The following PHACTR4 variants were observed in gnomAD, a reference collection of about 807,000 sequenced individuals.
PHACTR4 encodes protein phosphatase 1, regulatory subunit 124.
Under a neutral mutation model 72.7 loss-of-function variants are expected in PHACTR4, and 51 were observed. That is an observed-to-expected ratio of 0.70 (90% CI 0.56 to 0.89). The LOEUF is 0.89. Among genes scored for constraint, PHACTR4 ranks in the 40% least tolerant of loss-of-function variants. The probability of loss-of-function intolerance (pLI) is 0.00; values close to 1 mark genes in which losing one functional copy is unlikely to be tolerated. For synonymous variants in PHACTR4, 255 were observed against 302.5 expected (o/e 0.84, Z 1.63); for missense variants, 731 against 861.8 (o/e 0.85, Z 1.90).
chr1:28,416,539 G>T (rs1237995867), intron 2 of PHACTR4, among the ~76,000 whole-genome samples: 1 of 152,228 alleles, frequency 6.6e-6, no homozygotes, highest in Non-Finnish European at 1.5e-5. Context: ...AGTAGTAGTA[G>T]TAGAAGCCTG....
intron 2 of PHACTR4, among the ~76,000 whole-genome samples, chr1:28,424,999 G>T (rs947776096): frequency 6.6e-6 from 1 of 151,704 alleles, no homozygotes; most frequent in Non-Finnish European, 1.5e-5. Flanking sequence ...TTCACTGTTG[G>T]TCAGGCTGGT....
rs1397255740 is a variant in PHACTR4 at position 28,450,885 on chromosome 1, A to C, written c.17-8200A>C. On this transcript the variant is annotated intron_variant, in intron 2 of 13. Transcript: ENST00000373839. ...GAGTGCAGTGGAGTTGTCTCAGCTCACTGCAGCCTCTGCCTCCCGGGTTCA... is the reference window on the plus strand; with the variant it reads ...GAGTGCAGTGGAGTTGTCTCAGCTCCCTGCAGCCTCTGCCTCCCGGGTTCA... 2.7e-5 allele frequency among the ~76,000 whole-genome samples: 4 copies of C among 149,524 alleles called. No homozygotes were observed. In the East Asian group the frequency reaches 7.8e-4, roughly 29 times the overall value.
At chr1:28,445,207 C>T (rs1320904018) in intron 2 of PHACTR4, among the ~76,000 whole-genome samples, 1 of 152,058 alleles carries the variant, frequency 6.6e-6, no homozygotes, top group African/African-American at 2.4e-5. Context: ...CCTGCCTCAG[C>T]CCCCCAAAGT....
Position 28,480,555 on chromosome 1 carries a change from A to G in PHACTR4, c.1711A>G (p.Lys571Glu). The change falls in exon 9 of 14, where the codon AAG (lysine) becomes GAG (glutamate). Residue 571 changes from lysine (K) to glutamate (E), a missense_variant. Lys to Glu is a moderately conservative substitution (Grantham distance 56). Transcript: ENST00000373839. ...LNLNSWPCKS[K>E]EEWNEIRHQI... The stretch of plus-strand genomic sequence containing the variant: ...CCTGAATTCTTGGCCTTGTAAAAGC[A>G]AGGAGGAGTGGAATGAAATACGGCA... 1 of 1,614,196 alleles carries G rather than the reference A, an allele frequency of 6.2e-7. No individual in the cohort carries two copies. The highest frequency in any genetic ancestry group is 8.5e-7 in the Non-Finnish European group (1 of 1,180,034).
At chr1:28,409,519 G>T (rs1301820419) in intron 2 of PHACTR4, among the ~76,000 whole-genome samples, 3 of 152,072 alleles carry the variant, frequency 2.0e-5, no homozygotes, top group Non-Finnish European at 4.4e-5. Flanking sequence ...AGAAAAAAAA[G>T]AAATCAGAGG....
At chr1:28,466,165 T>C (rs1466096148) in intron 5 of PHACTR4, among the ~76,000 whole-genome samples, 6 of 152,202 alleles carry the variant, frequency 3.9e-5, no homozygotes, top group Non-Finnish European at 1.5e-5. Flanking sequence ...CTGGCCCTTG[T>C]GTGAAGAATC....
intron 2 of PHACTR4, among the ~76,000 whole-genome samples, chr1:28,428,027 T>C (rs1322417162): frequency 3.3e-5 from 5 of 152,204 alleles, no homozygotes; most frequent in African/African-American, 1.2e-4. Context: ...AAGAAAAAAA[T>C]TTAGAAAACT....
At chr1:28,456,529 T>C (rs1244161351) in intron 2 of PHACTR4, among the ~76,000 whole-genome samples, 2 of 152,062 alleles carry the variant, frequency 1.3e-5, no homozygotes, top group African/African-American at 2.4e-5. Flanking sequence ...AGTGGCACGA[T>C]CACAGCTCAT....
At chr1:28,438,347 AC>A (rs1656766723) in intron 2 of PHACTR4, 1 of 1,601,118 alleles carries the variant, frequency 6.2e-7, no homozygotes, top group Non-Finnish European at 8.5e-7. Context: ...TTTGTCCGGG[AC>A]AGTTTGTTGT....
At chr1:28,457,893 C>CT (rs1658504890) in intron 2 of PHACTR4, 14 of 972,668 alleles carry the variant, frequency 1.4e-5, no homozygotes, top group South Asian at 9.5e-5. Context: ...TACCTTCCTG[C>CT]TTTTTTTTGG....
At chr1:28,450,597 T>G (rs1211409493) in intron 2 of PHACTR4, among the ~76,000 whole-genome samples, 1 of 152,032 alleles carries the variant, frequency 6.6e-6, no homozygotes, top group African/African-American at 2.4e-5. Flanking sequence ...CTGAGTATAT[T>G]TTTTGTTTTT....
chr1:28,455,322 G>A (rs758445302), intron 2 of PHACTR4, among the ~76,000 whole-genome samples: 15 of 146,372 alleles, frequency 1.0e-4, no homozygotes, highest in African/African-American at 2.5e-5. Flanking sequence ...TCAGCCTCCC[G>A]AGTAGCTGGG....
chr1:28,423,112 C>T lies in PHACTR4; in HGVS notation c.16+15649C>T, dbSNP rs567862223. Among the ~76,000 whole-genome samples, 6 of 152,198 alleles carry T rather than the reference C, an allele frequency of 3.9e-5. No individual in the cohort carries two copies. In the East Asian group the frequency reaches 1.2e-3, roughly 29 times the overall value. ...CCTAAAACTAGAGACTTCTTAACTACCTTAGAGAGTATAGATAGGGCTGGG... is the reference window on the plus strand; with the variant it reads ...CCTAAAACTAGAGACTTCTTAACTATCTTAGAGAGTATAGATAGGGCTGGG... On this transcript the variant is annotated intron_variant, in intron 2 of 13. Transcript: ENST00000373839.
chr1:28,454,245 A>G (rs1658195586), intron 2 of PHACTR4, among the ~76,000 whole-genome samples: 1 of 151,430 alleles, frequency 6.6e-6, no homozygotes, highest in Non-Finnish European at 1.5e-5. Flanking sequence ...AAAAATTAAT[A>G]GAACTAAGAG....
intron 2 of PHACTR4, among the ~76,000 whole-genome samples, chr1:28,410,459 T>C (rs1197449174): frequency 6.6e-6 from 1 of 152,188 alleles, no homozygotes; most frequent in African/African-American, 2.4e-5. Flanking sequence ...CTTGCTTCAC[T>C]TAAGTAAACA....
intron 2 of PHACTR4, among the ~76,000 whole-genome samples, chr1:28,444,356 A>G (rs1251054133): frequency 2.7e-5 from 4 of 147,668 alleles, no homozygotes; most frequent in Non-Finnish European, 6.0e-5. Context: ...CAGCCTCCCG[A>G]GTAGCTGGGA....
At chr1:28,372,273 A>G (rs1219151111) in intron 1 of PHACTR4, among the ~76,000 whole-genome samples, 1 of 152,196 alleles carries the variant, frequency 6.6e-6, no homozygotes. Flanking sequence ...GAGGACAGCC[A>G]GGAGGACCCC....
chr1:28,461,396 G>A (rs945260760), intron 4 of PHACTR4, among the ~76,000 whole-genome samples: 3 of 152,028 alleles, frequency 2.0e-5, no homozygotes, highest in African/African-American at 7.2e-5. Context: ...AGCTGAGATG[G>A]CGCCACTGCA....
At chr1:28,493,853 G>A (rs1008264507) in intron 13 of PHACTR4, among the ~76,000 whole-genome samples, 10 of 152,208 alleles carry the variant, frequency 6.6e-5, no homozygotes, top group African/African-American at 2.4e-4. Flanking sequence ...GTCTAGCACA[G>A]TTGATCTTAC....
Sources: gnomAD v4.1 joint callset for allele counts (sites outside exome capture counted in the v4.1 genomes callset) on GRCh38, gnomAD v4.1.1 for gene constraint, MANE v1.5 for transcripts, NCBI Gene and HGNC (gene_info 2026-07-23, HGNC 2026-07-21) for gene names.